PIGB: variants seen among roughly 807,000 people sequenced by gnomAD.
PIGB encodes GPI alpha-1,2-mannosyltransferase 3.
PIGB carries 58 observed loss-of-function variants against 68.4 expected under a neutral mutation model. The observed-to-expected ratio is 0.85, with a 90% confidence interval of 0.69 to 1.06. PIGB has a LOEUF of 1.06. Ranked by LOEUF, PIGB falls within the 50% of genes least tolerant of loss-of-function variation. The pLI is 0.00. For synonymous variants in PIGB, 219 were observed against 220.5 expected (o/e 0.99, Z 0.06); for missense variants, 634 against 655.8 (o/e 0.97, Z 0.36).
chr15:55,321,848 C>A (rs931233309), intron 3 of PIGB, among the ~76,000 whole-genome samples: 6 of 148,018 alleles, frequency 4.1e-5, no homozygotes, highest in African/African-American at 9.8e-5. Flanking sequence ...GATGGGGTTT[C>A]TCTGTGTTGG....
At chr15:55,336,860 C>T (rs530299578) in intron 6 of PIGB, among the ~76,000 whole-genome samples, 1 of 152,310 alleles carries the variant, frequency 6.6e-6, no homozygotes, top group Admixed American at 6.5e-5. Flanking sequence ...CATTGTGGCA[C>T]ATGCCTATAA....
At chr15:55,343,050 T>A (rs1178397638) in intron 9 of PIGB, 1 of 152,124 alleles carries the variant, frequency 6.6e-6, no homozygotes, top group African/African-American at 2.4e-5. Flanking sequence ...AGAAAAACAT[T>A]GAGTTAGGCA....
chr15:55,342,169 A>G (rs1749621038), intron 9 of PIGB, among the ~76,000 whole-genome samples: 1 of 152,166 alleles, frequency 6.6e-6, no homozygotes, highest in Non-Finnish European at 1.5e-5. Context: ...CAATACCCAA[A>G]GCAGTTTTTG....
intron 9 of PIGB, chr15:55,350,448 A>C (rs2055896528): frequency 4.2e-6 from 2 of 476,086 alleles, no homozygotes; most frequent in Non-Finnish European, 3.7e-6. Flanking sequence ...CTGGAATTCA[A>C]ATCTGGACCT....
rs2439051 is a variant in PIGB at position 55,338,112 on chromosome 15, G to C, written c.795-1155G>C. 7.8e-3 allele frequency among the ~76,000 whole-genome samples: 1,190 copies of C among 152,234 alleles called. 11 individuals carry two copies. Among genetic ancestry groups the C allele is most frequent in the African/African-American group, 0.027 (1,140 of 41,536 alleles). On this transcript the variant is annotated intron_variant, in intron 6 of 11. Coordinates refer to ENST00000164305, the MANE Select transcript of PIGB (RefSeq NM_004855.5). ...ACTCTTTATCCTGCTCTGTATGGCA[G>C]GTACACAGTTGTGTTCATGTAGTGA...
intron 10 of PIGB, 21 bp downstream of exon 10, chr15:55,350,933 A>C: frequency 7.8e-7 from 1 of 1,275,880 alleles, no homozygotes; most frequent in Non-Finnish European, 1.1e-6. Flanking sequence ...ATGTTCCACT[A>C]TATGCTGTTA....
At chr15:55,353,103 G>A (rs954072397) in intron 10 of PIGB, among the ~76,000 whole-genome samples, 1 of 152,174 alleles carries the variant, frequency 6.6e-6, no homozygotes, top group Non-Finnish European at 1.5e-5. Context: ...AGGAATCCTA[G>A]ATGTACCAAG....
At chr15:55,331,131 T>A (rs1303277192) in intron 5 of PIGB, among the ~76,000 whole-genome samples, 1 of 152,210 alleles carries the variant, frequency 6.6e-6, no homozygotes, top group East Asian at 1.9e-4. Flanking sequence ...TCTCTCCACT[T>A]CTGTTTTTGC....
intron 11 of PIGB, 132 bp downstream of exon 11, chr15:55,355,110 C>T: frequency 1.1e-6 from 1 of 932,814 alleles, no homozygotes; most frequent in Non-Finnish European, 1.6e-6. Context: ...AGTCTTTTCT[C>T]CAGTCAAAAT....
rs181741586 is a variant in PIGB, at chr15:55,347,159, C to T, written c.1124-3540C>T. 7.5e-4 allele frequency among the ~76,000 whole-genome samples: 115 copies of T among 152,320 alleles called. 2 individuals are homozygous for T. In the East Asian group the frequency reaches 0.02, roughly 27 times the overall value. ...GTAAATAAAGGCAGTTCTGGCTGGG[C>T]GCTGTGGCTCACGCCTGTAATCCCA... On this transcript the variant is annotated intron_variant, in intron 9 of 11. Coordinates refer to ENST00000164305, the MANE Select transcript of PIGB (RefSeq NM_004855.5).
Position 55,330,944 on chromosome 15 carries a change from C to G in PIGB, c.653+1090C>G, listed in dbSNP as rs190765575. 4.1e-4 allele frequency among the ~76,000 whole-genome samples: 62 copies of G among 152,316 alleles called. No homozygotes were observed. The East Asian group carries it at 7.3e-3, about 18-fold the overall frequency. On this transcript the variant is annotated intron_variant, in intron 5 of 11. Coordinates refer to ENST00000164305, the MANE Select transcript of PIGB (RefSeq NM_004855.5). ...AGGCTAAAAGGGAAAATGGGCATCT[C>G]AAGCCTTGTGGCTAGGACTGGAAGA...
chr15:55,336,050 T>A (rs999768237), intron 6 of PIGB, among the ~76,000 whole-genome samples: 3 of 152,140 alleles, frequency 2.0e-5, no homozygotes, highest in Non-Finnish European at 4.4e-5. Flanking sequence ...GAAAAAGATA[T>A]AACAATACAG....
Position 55,320,313 on chromosome 15 carries a change from A to G in PIGB, c.202A>G (p.Ile68Val). 1 of 1,613,222 alleles carries G rather than the reference A, an allele frequency of 6.2e-7. No homozygotes were observed. Among genetic ancestry groups the G allele is most frequent in the Non-Finnish European group, 8.5e-7 (1 of 1,179,324 alleles). Residue 68 changes from isoleucine to valine, a missense_variant, in exon 2 of 12, where the codon ATA becomes GTA. By Grantham distance (29) the Ile-to-Val change is conservative (BLOSUM62 3). Coordinates refer to ENST00000164305, the MANE Select transcript of PIGB (RefSeq NM_004855.5). ...GENIYLLLFTIALRILNCFLV... is the reference protein window; with the variant it reads ...GENIYLLLFTVALRILNCFLV... ...AAATATTTATCTGCTCTTGTTTACCATAGCTTTACGAATATTAAACTGCTT... is the reference window on the plus strand; with the variant it reads ...AAATATTTATCTGCTCTTGTTTACCGTAGCTTTACGAATATTAAACTGCTT...
intron 9 of PIGB, among the ~76,000 whole-genome samples, chr15:55,342,870 T>C: frequency 6.6e-6 from 1 of 152,188 alleles, no homozygotes; most frequent in East Asian, 1.9e-4. Flanking sequence ...TGAAACTTTA[T>C]TAACTTCAAG....
intron 10 of PIGB, 96 bp from the exon 11 acceptor site, chr15:55,354,702 A>T (rs908047662): frequency 1.1e-5 from 10 of 914,506 alleles, no homozygotes; most frequent in Non-Finnish European, 1.6e-5. Flanking sequence ...ACAGATTCAG[A>T]TTTCACATTT....
intron 9 of PIGB, chr15:55,350,179 C>G (rs1405643687): frequency 6.5e-6 from 1 of 153,008 alleles, no homozygotes. Flanking sequence ...TTTTCTTCCA[C>G]TCATATACTT....
chr15:55,348,081 C>G (rs146629846), intron 9 of PIGB, among the ~76,000 whole-genome samples: 1 of 150,664 alleles, frequency 6.6e-6, no homozygotes. Flanking sequence ...CTATGCCTGC[C>G]GGGTTCAAGT....
At chr15:55,325,625 G>C (rs942891032) in intron 3 of PIGB, among the ~76,000 whole-genome samples, 2 of 152,010 alleles carry the variant, frequency 1.3e-5, no homozygotes, top group East Asian at 3.9e-4. Flanking sequence ...TTTTTAAAAA[G>C]TAATTTGTTA....
At chr15:55,341,617 CTGAA>C (rs2055672303) in intron 8 of PIGB, 117 bp from the exon 9 acceptor site, 3 of 338,598 alleles carry the variant, frequency 8.9e-6, no homozygotes, top group African/African-American at 6.5e-5. Context: ...GAAATTCAGT[CTGAA>C]TACTTAGAAA....
Sources: gnomAD v4.1 joint callset for allele counts (sites outside exome capture counted in the v4.1 genomes callset) on GRCh38, gnomAD v4.1.1 for gene constraint, MANE v1.5 for transcripts, NCBI Gene and HGNC (gene_info 2026-07-23, HGNC 2026-07-21) for gene names.